Variants in PRKN observed in about 807,000 individuals in gnomAD.
The protein encoded by PRKN is parkin RBR E3 ubiquitin protein ligase.
PRKN carries 56 observed loss-of-function variants against 59.5 expected under a neutral mutation model. The observed-to-expected ratio is 0.94, with a 90% CI of 0.76 to 1.18. PRKN has a LOEUF of 1.18. PRKN is among the 50% of genes most tolerant of loss of function. PRKN has a pLI of 0.00. For missense variants in PRKN, 657 were observed against 596.4 expected (o/e 1.10, Z -1.06); for synonymous variants, 250 against 222.1 (o/e 1.13, Z -1.12).
chr6:162,481,038 G>A lies in PRKN; in HGVS notation c.8-37565C>T, dbSNP rs568050463. Among the ~76,000 whole-genome samples the A allele has an allele frequency of 2.6e-4, 39 of 151,828 alleles. 1 individual carries two copies. In the South Asian group the frequency reaches 7.7e-3, roughly 30 times the overall value. On this transcript the variant is annotated intron_variant, in intron 1 of 11. Coordinates refer to ENST00000366898, the MANE Select transcript of PRKN (RefSeq NM_004562.3). ...AGAGTTTTGCCATGTTGGCCAGCTT[G>A]TCCCAAACTCCTGACCTCAAGTGAT...
chr6:162,560,611 A>T (rs1214079161), intron 1 of PRKN, among the ~76,000 whole-genome samples: 2 of 152,186 alleles, frequency 1.3e-5, no homozygotes, highest in African/African-American at 2.4e-5. Context: ...AACTAATGTC[A>T]TAACACCCTT....
chr6:161,390,350 G>A lies in PRKN; in HGVS notation c.1084-3473C>T, dbSNP rs35779927. On this transcript the variant is annotated intron_variant, in intron 9 of 11. Coordinates refer to ENST00000366898, the MANE Select transcript of PRKN (RefSeq NM_004562.3). This position sits in a 1 kb window ranked among gnomAD's most constrained non-coding sequence, Gnocchi z 7.0. ...AACACTATGTGATTTATTAACTCAA[G>A]GTAGTTCCCAGTGTTAATGTAGATT... is the stretch of plus-strand genomic sequence containing the variant. Among the ~76,000 whole-genome samples, 40 of 152,196 alleles carry A rather than the reference G, an allele frequency of 2.6e-4. No individual in the cohort carries two copies. The highest frequency in any genetic ancestry group is 5.3e-4 in the Non-Finnish European group (36 of 68,036).
At chr6:161,833,306 C>T (rs535355348) in intron 6 of PRKN, among the ~76,000 whole-genome samples, 134 of 152,268 alleles carry the variant, frequency 8.8e-4, no homozygotes, top group Middle Eastern at 6.8e-3. Flanking sequence ...AGTGCTTGCC[C>T]GGAGGCCTGA....
intron 7 of PRKN, among the ~76,000 whole-genome samples, chr6:161,685,412 T>A (rs1785517507): frequency 6.6e-6 from 1 of 152,230 alleles, no homozygotes; most frequent in Non-Finnish European, 1.5e-5. Flanking sequence ...CAACCCCAGC[T>A]TGAAAACTTG....
At chr6:162,136,119 TAAATA>T (rs1781554969) in intron 4 of PRKN, among the ~76,000 whole-genome samples, 1 of 149,448 alleles carries the variant, frequency 6.7e-6, no homozygotes, top group South Asian at 2.1e-4. Flanking sequence ...TAAATATATA[TAAATA>T]AATATATTTT....
intron 1 of PRKN, among the ~76,000 whole-genome samples, chr6:162,455,159 T>C (rs887583561): frequency 6.6e-6 from 1 of 152,100 alleles, no homozygotes; most frequent in Non-Finnish European, 1.5e-5. Flanking sequence ...TCTATAATAC[T>C]GAAGATGACG....
chr6:161,432,511 C>T (rs1224091793), intron 9 of PRKN, among the ~76,000 whole-genome samples: 3 of 151,230 alleles, frequency 2.0e-5, no homozygotes, highest in South Asian at 2.1e-4. Context: ...TACAGGCGCC[C>T]GCCATCACCA....
intron 6 of PRKN, among the ~76,000 whole-genome samples, chr6:161,824,786 T>A (rs1792173487): frequency 6.6e-6 from 1 of 152,214 alleles, no homozygotes; most frequent in Non-Finnish European, 1.5e-5. Context: ...AAAAAAAGAT[T>A]TAAATGTTTT....
At chr6:162,301,039 A>T (rs1781922303) in intron 2 of PRKN, among the ~76,000 whole-genome samples, 1 of 152,128 alleles carries the variant, frequency 6.6e-6, no homozygotes, top group African/African-American at 2.4e-5. Flanking sequence ...AAGAGATAAT[A>T]TATTTATCTA....
At chr6:161,850,372 GATA>G (rs1793376888) in intron 6 of PRKN, among the ~76,000 whole-genome samples, 1 of 152,060 alleles carries the variant, frequency 6.6e-6, no homozygotes, top group Non-Finnish European at 1.5e-5. Flanking sequence ...GAGGTCAAGA[GATA>G]GAGACCATCC....
chr6:161,900,391 C>A (rs1180015704), intron 6 of PRKN, among the ~76,000 whole-genome samples: 1 of 146,794 alleles, frequency 6.8e-6, no homozygotes, highest in African/African-American at 2.5e-5. Context: ...GCTGCTGCCA[C>A]TGAGTGTGGG....
At chr6:161,661,479 C>T (rs1394838884) in intron 7 of PRKN, among the ~76,000 whole-genome samples, 3 of 152,130 alleles carry the variant, frequency 2.0e-5, no homozygotes, top group Admixed American at 2.0e-4. Flanking sequence ...CCACAGAGGC[C>T]TTCCCTGACC....
At chr6:162,352,282 C>CT (rs1702841792) in intron 2 of PRKN, among the ~76,000 whole-genome samples, 1 of 152,092 alleles carries the variant, frequency 6.6e-6, no homozygotes, top group African/African-American at 2.4e-5. Context: ...TTCACGTAGT[C>CT]TATGAAGCAG....
At chr6:162,314,152 G>C (rs1782650242) in intron 2 of PRKN, among the ~76,000 whole-genome samples, 1 of 152,038 alleles carries the variant, frequency 6.6e-6, no homozygotes, top group Non-Finnish European at 1.5e-5. Context: ...AATTAATCTG[G>C]TCTCCCCAAG....
At chr6:161,936,712 C>T (rs974538026) in intron 6 of PRKN, among the ~76,000 whole-genome samples, 10 of 152,186 alleles carry the variant, frequency 6.6e-5, no homozygotes, top group Non-Finnish European at 1.2e-4. Context: ...GGCAAATATG[C>T]AAGTTTCAAT....
At chr6:161,794,149 T>C (rs1429517309) in intron 6 of PRKN, among the ~76,000 whole-genome samples, 3 of 152,144 alleles carry the variant, frequency 2.0e-5, no homozygotes, top group Admixed American at 1.3e-4. Flanking sequence ...ATTAATTATG[T>C]TCCCATTGAT....
At chr6:161,898,919 C>T (rs191454441) in intron 6 of PRKN, among the ~76,000 whole-genome samples, 2 of 152,320 alleles carry the variant, frequency 1.3e-5, no homozygotes, top group Non-Finnish European at 1.5e-5. Context: ...AGGCCCGGAA[C>T]GCTTATAACT....
At chr6:162,441,517 T>A (rs1790048730) in intron 2 of PRKN, among the ~76,000 whole-genome samples, 1 of 152,208 alleles carries the variant, frequency 6.6e-6, no homozygotes, top group South Asian at 2.1e-4. Context: ...TATTTTCAGG[T>A]GCGATACGGC....
chr6:162,561,897 G>T (rs1382058636), intron 1 of PRKN, among the ~76,000 whole-genome samples: 6 of 152,124 alleles, frequency 3.9e-5, no homozygotes, highest in Non-Finnish European at 7.3e-5. Flanking sequence ...TCCTAGTGCT[G>T]AACTAGGCCC....
Sources: allele counts gnomAD v4.1 joint callset (sites outside exome capture counted in the v4.1 genomes callset), GRCh38; gene constraint gnomAD v4.1.1; non-coding constraint Gnocchi (gnomAD v3.1); transcripts MANE v1.5; gene names NCBI Gene and HGNC (gene_info 2026-07-23, HGNC 2026-07-21).